The following CCDC180 variants were observed in gnomAD, a reference collection of about 807,000 sequenced individuals.
CCDC180 encodes the protein coiled-coil domain-containing protein 180.
Under a neutral mutation model 209.2 loss-of-function variants are expected in CCDC180, and 154 were observed. That is an observed-to-expected ratio of 0.74 (90% CI 0.65 to 0.84). CCDC180 has a LOEUF of 0.84. CCDC180 is among the 40% of genes least tolerant of loss of function. The pLI, the probability that CCDC180 is intolerant of heterozygous loss-of-function variation, is 0.00. For missense variants in CCDC180, 1,874 were observed against 1,997.3 expected (o/e 0.94, Z 1.18); for synonymous variants, 778 against 749.1 (o/e 1.04, Z -0.63).
intron 11 of CCDC180, among the ~76,000 whole-genome samples, chr9:97,321,091 T>C (rs1221592231): frequency 6.6e-6 from 1 of 152,188 alleles, no homozygotes; most frequent in Non-Finnish European, 1.5e-5. Flanking sequence ...GGTAAACAAG[T>C]GTACTCTGTT....
intron 17 of CCDC180, 21 bp downstream of exon 17, chr9:97,330,214 GT>G: frequency 6.2e-7 from 1 of 1,613,496 alleles, no homozygotes; most frequent in Non-Finnish European, 8.5e-7. Flanking sequence ...TTCAATTCAA[GT>G]TTTATTCTCC....
At chr9:97,342,049 G>A (rs1026969961) in intron 18 of CCDC180, among the ~76,000 whole-genome samples, 4 of 152,226 alleles carry the variant, frequency 2.6e-5, no homozygotes, top group Non-Finnish European at 5.9e-5. Flanking sequence ...TGTTTAGGTG[G>A]CAGTGTTCTG....
chr9:97,376,957 C>T lies in CCDC180; in HGVS notation c.*63C>T. The T allele has an allele frequency of 1.3e-6, 2 of 1,548,710 alleles. No individual in the cohort carries two copies. The highest frequency in any genetic ancestry group is 1.7e-6 in the Non-Finnish European group (2 of 1,145,444). The stretch of plus-strand genomic sequence containing the variant: ...GACTCCTTCCCTGTCCATCTACCTG[C>T]CTACCTACTTTCCGTCCATCCCTCC... On this transcript the variant is annotated 3_prime_UTR_variant, in exon 37 of 37. Transcript: ENST00000529487.
In CCDC180 at chr9:97,361,184, G is replaced by A. The variant is rs144615746; in HGVS notation, c.3484-542G>A. On this transcript the variant is annotated intron_variant, in intron 26 of 36. Coordinates refer to ENST00000529487, the MANE Select transcript of CCDC180 (RefSeq NM_020893.6). ...AGAACAGCCTAGGTGCTCACCATGG[G>A]CGCCAATTCCACACTTTCTCTAGGA... Among the ~76,000 whole-genome samples, 550 of 152,262 alleles carry A rather than the reference G, an allele frequency of 3.6e-3. 6 individuals carry two copies. The highest frequency in any genetic ancestry group is 0.013 in the African/African-American group (533 of 41,558).
In CCDC180 at chr9:97,330,741, G is replaced by A; in HGVS notation, c.2248G>A (p.Glu750Lys). 6.2e-7 allele frequency: 1 copy of A among 1,602,060 alleles called. No homozygotes were observed. The highest frequency in any genetic ancestry group is 8.5e-7 in the Non-Finnish European group (1 of 1,179,344). ...EEKEEKEAQE[E>K]QESLSVGEEE... ...GAAGGAGGAGAAGGAGGCACAGGAA[G>A]AGCAAGAGAGTTTATCTGTGGGTGA... The change falls in exon 18 of 37, where the codon GAG (glutamate) becomes AAG (lysine). Residue 750 changes from glutamate (E) to lysine (K), a missense_variant. Coordinates refer to ENST00000529487, the MANE Select transcript of CCDC180 (RefSeq NM_020893.6).
At chr9:97,371,774 C>A in intron 34 of CCDC180, 68 bp downstream of exon 34, 1 of 898,846 alleles carries the variant, frequency 1.1e-6, no homozygotes, top group South Asian at 1.8e-5. Flanking sequence ...GGGCAGGGGT[C>A]TGCTTTCCCC....
chr9:97,345,404 A>T (rs2118791342), intron 19 of CCDC180, among the ~76,000 whole-genome samples: 1 of 152,302 alleles, frequency 6.6e-6, no homozygotes, highest in East Asian at 1.9e-4. Flanking sequence ...AGCTGTTCTG[A>T]TATAGTTATA....
intron 8 of CCDC180, 125 bp downstream of exon 8, chr9:97,315,071 AG>A: frequency 1.5e-6 from 1 of 678,346 alleles, no homozygotes; most frequent in South Asian, 1.9e-5. Context: ...AACGTTTCTA[AG>A]GGGCTCAGGT....
intron 26 of CCDC180, 135 bp downstream of exon 26, chr9:97,360,236 T>A (rs1034999274): frequency 9.3e-7 from 1 of 1,076,056 alleles, no homozygotes; most frequent in Non-Finnish European, 1.3e-6. Context: ...CTTACTGAGA[T>A]GCTGTGGAAA....
intron 18 of CCDC180, among the ~76,000 whole-genome samples, chr9:97,336,449 G>A (rs2118729925): frequency 6.6e-6 from 1 of 152,242 alleles, no homozygotes; most frequent in African/African-American, 2.4e-5. Context: ...TTTTTGTCAG[G>A]TTTGTTGAAG....
In CCDC180 at chr9:97,326,694, C is replaced by T. The variant is rs746689326; in HGVS notation, c.1661+25C>T. The T allele has an allele frequency of 3.6e-6, 5 of 1,393,254 alleles. No homozygotes were observed. In the African/African-American group the frequency reaches 7.1e-5, roughly 20 times the overall value. 86.3% of individuals were successfully genotyped at this position (1,393,254 alleles called of 1,614,324 possible). A position where few individuals can be genotyped will look rare whatever the true frequency, so the allele number is the denominator to read the frequency against. Reference sequence around the variant, plus strand: ...GGTAGGCCAACCAGACTCCAGAAGGCAGGAAGGGATGGTCAGGAATTCATC... The same window carrying T: ...GGTAGGCCAACCAGACTCCAGAAGGTAGGAAGGGATGGTCAGGAATTCATC... On this transcript the variant is annotated intron_variant, in intron 15 of 36. Coordinates refer to ENST00000529487, the MANE Select transcript of CCDC180 (RefSeq NM_020893.6).
Position 97,362,436 on chromosome 9 carries a change from A to G in CCDC180, c.3897A>G (p.Ala1299=), listed in dbSNP as rs1564173726. 1 of 1,613,416 alleles carries G rather than the reference A, an allele frequency of 6.2e-7. No individual in the cohort carries two copies. Reference sequence around the variant, plus strand: ...TACCCAGTGCCAGTGCTACCTCTGCAGGCAGGTAGGACACAAAGCAGCCAG... The same window carrying G: ...TACCCAGTGCCAGTGCTACCTCTGCGGGCAGGTAGGACACAAAGCAGCCAG... ...KAVPSASATS[A]GSFTPHPKPN... The change falls in exon 28 of 37, where the codon GCA becomes GCG. Residue 1299 remains alanine, a synonymous_variant. Transcript: ENST00000529487.
chr9:97,368,636 A>G lies in CCDC180; in HGVS notation c.4190-1286A>G, dbSNP rs555731638. 3.3e-5 allele frequency among the ~76,000 whole-genome samples: 5 copies of G among 152,388 alleles called. No individual in the cohort carries two copies. The South Asian group carries it at 1.0e-3, about 32-fold the overall frequency. Reference sequence around the variant, plus strand: ...TTAGATAATTCACACTTATCTAAACATGAATTCAATTTTGCTTTTGTGGCT... The same window carrying G: ...TTAGATAATTCACACTTATCTAAACGTGAATTCAATTTTGCTTTTGTGGCT... On this transcript the variant is annotated intron_variant, in intron 31 of 36. Coordinates refer to ENST00000529487, the MANE Select transcript of CCDC180 (RefSeq NM_020893.6).
intron 18 of CCDC180, among the ~76,000 whole-genome samples, chr9:97,336,341 A>C (rs1387190358): frequency 6.6e-6 from 1 of 152,122 alleles, no homozygotes; most frequent in East Asian, 1.9e-4. Context: ...ATTTTTGTGT[A>C]AGGTGTAAGG....
In CCDC180 at chr9:97,307,820, T is replaced by C; in HGVS notation, c.-82+14T>C. The C allele has an allele frequency of 6.2e-7, 1 of 1,614,030 alleles. No individual in the cohort carries two copies. The highest frequency in any genetic ancestry group is 8.5e-7 in the Non-Finnish European group (1 of 1,179,898). The stretch of plus-strand genomic sequence containing the variant: ...AGCTCATCTGAGGTTAGTTTCATCG[T>C]TTCGTTGAAAGTTAAAACCCTAAGT... On this transcript the variant is annotated intron_variant, in intron 1 of 36. Coordinates refer to ENST00000529487, the MANE Select transcript of CCDC180 (RefSeq NM_020893.6).
chr9:97,350,617 TG>T, intron 22 of CCDC180, 62 bp downstream of exon 22: 2 of 1,481,036 alleles, frequency 1.4e-6, no homozygotes, highest in Non-Finnish European at 1.8e-6. Context: ...GATGTGGTCT[TG>T]TTTCCCCCTT....
chr9:97,341,679 A>G (rs781346554), intron 18 of CCDC180, among the ~76,000 whole-genome samples: 5 of 152,170 alleles, frequency 3.3e-5, no homozygotes, highest in Admixed American at 2.0e-4. Flanking sequence ...TCGGAGCTCA[A>G]ACACTGTGCT....
chr9:97,307,857 A>G lies in CCDC180; in HGVS notation c.-82+51A>G, dbSNP rs371777549. ...TTAAAACCCTAAGTCGACGTTCCCC[A>G]GCCGCCTACCCCCCAGCAGAGAGTC... On this transcript the variant is annotated intron_variant, in intron 1 of 36. Transcript: ENST00000529487. 102 of 1,610,306 alleles carry G rather than the reference A, an allele frequency of 6.3e-5. No individual in the cohort carries two copies. In the African/African-American group the frequency reaches 1.3e-3, roughly 20 times the overall value.
chr9:97,364,066 C>T lies in CCDC180; in HGVS notation c.3918C>T (p.Pro1306=). The change falls in exon 29 of 37, where the codon CCC becomes CCT. Residue 1306 remains proline, a synonymous_variant. Transcript: ENST00000529487. ...ATSAGSFTPH[P]KPNKMERKYR... is the part of the protein sequence containing the mutation. Reference sequence around the variant, plus strand: ...TGTCCCACAGCTTCACACCGCACCCCAAGCCCAACAAAATGGAGAGAAAGT... The same window carrying T: ...TGTCCCACAGCTTCACACCGCACCCTAAGCCCAACAAAATGGAGAGAAAGT... The T allele has an allele frequency of 1.2e-6, 2 of 1,614,156 alleles. No homozygotes were observed. The highest frequency in any genetic ancestry group is 1.3e-5 in the African/African-American group (1 of 75,052).
Sources: gnomAD v4.1 joint callset for allele counts (sites outside exome capture counted in the v4.1 genomes callset) on GRCh38, gnomAD v4.1.1 for gene constraint, MANE v1.5 for transcripts, NCBI Gene and HGNC (gene_info 2026-07-23, HGNC 2026-07-21) for gene names.